EPRS1: variants seen among roughly 807,000 people sequenced by gnomAD.
EPRS1 encodes glutamyl-prolyl-tRNA synthetase 1.
In EPRS1, 107 loss-of-function variants were observed where a neutral mutation model predicts 188.3. The ratio of observed to expected loss-of-function variants is 0.57; its 90% CI spans 0.49 to 0.67. EPRS1 has a LOEUF of 0.67. Among genes scored for constraint, EPRS1 ranks in the 30% least tolerant of loss-of-function variants. The pLI is 0.00. For missense variants in EPRS1, 1,577 were observed against 1,802.2 expected, an observed-to-expected ratio of 0.88 and a Z score of 2.26; for synonymous variants, 596 against 593.1, an observed-to-expected ratio of 1.00 and a Z score of -0.07.
chr1:220,002,893 A>G (rs1661387455), intron 16 of EPRS1, among the ~76,000 whole-genome samples: 2 of 152,234 alleles, frequency 1.3e-5, no homozygotes, highest in Middle Eastern at 3.2e-3. Context: ...AGTAATTAGC[A>G]ATAATCTATT....
intron 8 of EPRS1, among the ~76,000 whole-genome samples, chr1:220,024,014 T>C (rs1661924281): frequency 6.6e-6 from 1 of 152,064 alleles, no homozygotes; most frequent in African/African-American, 2.4e-5. Flanking sequence ...TAGCAAGGTG[T>C]GGTGGTGCAC....
In EPRS1 at chr1:219,982,753, C is replaced by T. The variant is rs775467439; in HGVS notation, c.3373+19G>A. On this transcript the variant is annotated intron_variant, in intron 23 of 31. Coordinates refer to ENST00000366923, the MANE Select transcript of EPRS1 (RefSeq NM_004446.3). ...AACGTTCAGTGAGCATTCTCTTGCA[C>T]TCCAATGCCTATTCTCACCTGTTTC... The T allele has an allele frequency of 8.7e-6, 14 of 1,606,362 alleles. No individual in the cohort carries two copies. The East Asian group carries it at 2.9e-4, about 33-fold the overall frequency.
intron 18 of EPRS1, among the ~76,000 whole-genome samples, chr1:219,991,220 G>A (rs1661114979): frequency 9.6e-6 from 1 of 104,686 alleles, no homozygotes; most frequent in African/African-American, 3.9e-5. Flanking sequence ...GGGGAAAGGA[G>A]TGACCTTAAA....
rs767360927 is a variant in EPRS1, at chr1:220,019,984, A to G, written c.1349+4T>C. Reference sequence around the variant, plus strand: ...TTGTCAATTCTAAGTAACATTAAACATACCATCCATCTACTAGTCCTTCAT... The same window carrying G: ...TTGTCAATTCTAAGTAACATTAAACGTACCATCCATCTACTAGTCCTTCAT... On this transcript the variant is annotated splice_donor_region_variant and intron_variant, in intron 10 of 31. Coordinates refer to ENST00000366923, the MANE Select transcript of EPRS1 (RefSeq NM_004446.3). 21 of 1,577,612 alleles carry G rather than the reference A, an allele frequency of 1.3e-5. No individual in the cohort carries two copies. Among genetic ancestry groups the G allele is most frequent in the South Asian group, 1.1e-4 (10 of 90,306 alleles).
intron 1 of EPRS1, 128 bp downstream of exon 1, chr1:220,046,215 G>T: frequency 9.0e-7 from 1 of 1,112,368 alleles, no homozygotes; most frequent in Non-Finnish European, 1.3e-6. Flanking sequence ...CAATTCTGGG[G>T]CGAGGGGCAG....
intron 29 of EPRS1, among the ~76,000 whole-genome samples, chr1:219,972,552 T>C (rs1660689580): frequency 6.6e-6 from 1 of 152,224 alleles, no homozygotes. Flanking sequence ...TTATATAAGA[T>C]GCAGGCATTA....
chr1:219,979,745 G>A, intron 26 of EPRS1, 130 bp from the exon 27 acceptor site: 1 of 651,362 alleles, frequency 1.5e-6, no homozygotes, highest in East Asian at 2.7e-5. Context: ...ATTAAATAAG[G>A]TTTTTAATTA....
intron 27 of EPRS1, among the ~76,000 whole-genome samples, chr1:219,978,971 T>A (rs542748418): frequency 1.4e-5 from 2 of 143,160 alleles, no homozygotes; most frequent in African/African-American, 5.1e-5. Context: ...TATATTTTTT[T>A]TTCCCCCCCA....
At chr1:220,028,194 T>C (rs1032926301) in intron 6 of EPRS1, among the ~76,000 whole-genome samples, 3 of 152,176 alleles carry the variant, frequency 2.0e-5, no homozygotes, top group African/African-American at 7.2e-5. Flanking sequence ...CTTGAGGGCG[T>C]TGCACCCAAT....
chr1:220,015,129 A>G (rs145139177), intron 12 of EPRS1, among the ~76,000 whole-genome samples: 303 of 152,258 alleles, frequency 2.0e-3, no homozygotes, highest in African/African-American at 6.9e-3. Flanking sequence ...CATCTTCCCA[A>G]GAAGAGTTCC....
chr1:219,994,345 G>C (rs1661184942), intron 18 of EPRS1, among the ~76,000 whole-genome samples: 1 of 152,144 alleles, frequency 6.6e-6, no homozygotes, highest in South Asian at 2.1e-4. Context: ...TGAGCCCTGA[G>C]CTACAAGGAT....
At chr1:219,977,177 T>C (rs1360192335) in intron 28 of EPRS1, among the ~76,000 whole-genome samples, 2 of 152,180 alleles carry the variant, frequency 1.3e-5, no homozygotes, top group East Asian at 1.9e-4. Context: ...TAAATGGAAT[T>C]AAAATGGCAT....
At chr1:220,000,953 C>G (rs1165047788) in intron 17 of EPRS1, among the ~76,000 whole-genome samples, 185 bp downstream of exon 17, 1 of 152,144 alleles carries the variant, frequency 6.6e-6, no homozygotes, top group Non-Finnish European at 1.5e-5. Flanking sequence ...AGCACTCCAG[C>G]CTTGGGTGAG....
At chr1:220,013,492 A>AT (rs912367133) in intron 12 of EPRS1, among the ~76,000 whole-genome samples, 19 of 151,912 alleles carry the variant, frequency 1.3e-4, no homozygotes, top group South Asian at 2.1e-4. Context: ...AATCTAGCTT[A>AT]TTTTTTTTAA....
chr1:220,020,372 T>C (rs1661846522), intron 9 of EPRS1, 151 bp from the exon 10 acceptor site: 2 of 586,890 alleles, frequency 3.4e-6, no homozygotes, highest in East Asian at 5.7e-5. Flanking sequence ...ATACTCAAAG[T>C]GTATCAAAAC....
At position 219,974,788 on chromosome 1, in the gene EPRS1, T is replaced by C. The variant is rs573171979; in HGVS notation, c.4084-1390A>G. 4.6e-5 allele frequency among the ~76,000 whole-genome samples: 7 copies of C among 152,310 alleles called. No homozygotes were observed. The East Asian group carries it at 9.6e-4, about 21-fold the overall frequency. ...GGATGTATTACATGCATTTGTAAGATACAGTGCTAAGTGCAATGAGATTTA... is the reference window on the plus strand; with the variant it reads ...GGATGTATTACATGCATTTGTAAGACACAGTGCTAAGTGCAATGAGATTTA... On this transcript the variant is annotated intron_variant, in intron 28 of 31. Coordinates refer to ENST00000366923, the MANE Select transcript of EPRS1 (RefSeq NM_004446.3).
At chr1:220,018,554 T>C in intron 11 of EPRS1, 46 bp from the exon 12 acceptor site, 1 of 1,279,440 alleles carries the variant, frequency 7.8e-7, no homozygotes, top group Non-Finnish European at 1.1e-6. Context: ...CAGTATTAAT[T>C]AGAACTTTGC....
chr1:219,994,158 A>G (rs987549680), intron 18 of EPRS1, among the ~76,000 whole-genome samples: 20 of 152,236 alleles, frequency 1.3e-4, no homozygotes, highest in African/African-American at 3.9e-4. Flanking sequence ...TGTGTGGAGC[A>G]TGTGCATTCT....
chr1:219,992,507 A>G (rs1218775610), intron 18 of EPRS1, among the ~76,000 whole-genome samples: 4 of 152,228 alleles, frequency 2.6e-5, no homozygotes, highest in African/African-American at 7.2e-5. Flanking sequence ...AACTTTTTCT[A>G]TAAAGGGCTA....
Sources: gnomAD v4.1 joint callset for allele counts (sites outside exome capture counted in the v4.1 genomes callset) on GRCh38, gnomAD v4.1.1 for gene constraint, MANE v1.5 for transcripts, NCBI Gene and HGNC (gene_info 2026-07-23, HGNC 2026-07-21) for gene names.